The following ACTR1B variants were observed in gnomAD, a reference collection of about 807,000 sequenced individuals.
The protein encoded by ACTR1B is beta-centractin.
Under a neutral mutation model 49.4 loss-of-function variants are expected in ACTR1B, and 34 were observed. The observed-to-expected ratio is 0.69, with a 90% CI of 0.52 to 0.92. The LOEUF (loss-of-function observed/expected upper bound fraction) is 0.92. Among genes scored for constraint, ACTR1B ranks in the 40% least tolerant of loss-of-function variants. ACTR1B has a pLI of 0.00. For synonymous variants in ACTR1B, 207 were observed against 207.8 expected (o/e 1.00, Z 0.03); for missense variants, 471 against 522.4 (o/e 0.90, Z 0.96).
rs1342866211 is a variant in ACTR1B at position 97,657,149 on chromosome 2, C to T, written c.1028+3G>A. 1.9e-6 allele frequency: 3 copies of T among 1,613,486 alleles called. No individual in the cohort carries two copies. The highest frequency in any genetic ancestry group is 1.7e-6 in the Non-Finnish European group (2 of 1,179,690). On this transcript the variant is annotated splice_donor_region_variant and intron_variant, in intron 10 of 10. Transcript: ENST00000289228. ...CAGAGCCCTCCCTTGAGCCCCGCCTCACCCAATCCATGTGGAGTACAGCCG... is the reference window on the plus strand; with the variant it reads ...CAGAGCCCTCCCTTGAGCCCCGCCTTACCCAATCCATGTGGAGTACAGCCG...
rs189801973 is a variant in ACTR1B at position 97,659,011 on chromosome 2, G to A, written c.316-8C>T. The A allele has an allele frequency of 6.2e-4, 998 of 1,614,076 alleles. 9 individuals are homozygous for A. In the African/African-American group the frequency reaches 0.012, roughly 19 times the overall value. On this transcript the variant is annotated splice_region_variant and splice_polypyrimidine_tract_variant and intron_variant, in intron 4 of 10. Coordinates refer to ENST00000289228, the MANE Select transcript of ACTR1B (RefSeq NM_005735.4). The surrounding 1 kb of genome is among the most constrained non-coding windows in gnomAD (Gnocchi z 4.0). ...CGTGAGGAGCACAGGATGCTGCGAGGGACGGGACAGTTGTAGGCATCAGAG... is the reference window on the plus strand; with the variant it reads ...CGTGAGGAGCACAGGATGCTGCGAGAGACGGGACAGTTGTAGGCATCAGAG...
chr2:97,656,701 G>C lies in ACTR1B; in HGVS notation c.*157C>G, dbSNP rs781126425. 14 of 640,170 alleles carry C rather than the reference G, an allele frequency of 2.2e-5. No individual in the cohort carries two copies. Among genetic ancestry groups the C allele is most frequent in the Non-Finnish European group, 3.6e-5 (13 of 358,120 alleles). 39.7% of individuals were successfully genotyped at this position (640,170 alleles called of 1,614,324 possible). ...CTTGTGTGTGCATGTCCTGTGTAGA[G>C]GGGAAGGCTGCAGGGGGGCACTGCT... On this transcript the variant is annotated 3_prime_UTR_variant, in exon 11 of 11. Transcript: ENST00000289228.
intron 1 of ACTR1B, among the ~76,000 whole-genome samples, chr2:97,662,948 T>A (rs906640675): frequency 2.0e-5 from 3 of 151,928 alleles, no homozygotes; most frequent in Non-Finnish European, 4.4e-5. Context: ...TCTAAAACAG[T>A]CATTCAGGGA....
chr2:97,659,826 G>A lies in ACTR1B; in HGVS notation c.190-349C>T. On this transcript the variant is annotated intron_variant, in intron 3 of 10. Transcript: ENST00000289228. This position sits in a 1 kb window ranked among gnomAD's most constrained non-coding sequence, Gnocchi z 4.0. ...GCCAGCTCCCCTCTGGCCAGCGCCG[G>A]CACCTTGCAGCCGCCCAACACGGCC... 1.2e-5 allele frequency: 4 copies of A among 347,010 alleles called. 1 individual carries two copies. Among genetic ancestry groups the A allele is most frequent in the South Asian group, 6.6e-5 (2 of 30,454 alleles). The allele number at this position is 347,010 out of a possible 1,614,324, so 21.5% of individuals were successfully genotyped here. A position where few individuals can be genotyped will look rare whatever the true frequency, so the allele number is the denominator to read the frequency against.
In ACTR1B at chr2:97,656,541, G is replaced by A. The variant is rs1366192922; in HGVS notation, c.*317C>T. On this transcript the variant is annotated 3_prime_UTR_variant, in exon 11 of 11. Transcript: ENST00000289228. ...CAGGCATTCTGGCCCTGGAGCTCAG[G>A]GAGGCAGCCCTGAGAGTCGGAGCAG... 9.8e-6 allele frequency: 3 copies of A among 307,152 alleles called. No individual in the cohort carries two copies. Among genetic ancestry groups the A allele is most frequent in the Non-Finnish European group, 1.9e-5 (3 of 161,790 alleles). 19.0% of individuals were successfully genotyped at this position (307,152 alleles called of 1,614,324 possible). A position where few individuals can be genotyped will look rare whatever the true frequency, so the allele number is the denominator to read the frequency against.
At chr2:97,663,138 T>C (rs1274132809) in intron 1 of ACTR1B, among the ~76,000 whole-genome samples, 2 of 152,106 alleles carry the variant, frequency 1.3e-5, no homozygotes, top group Non-Finnish European at 2.9e-5. Flanking sequence ...CTAAGGCAGG[T>C]GAAAGCAAGC....
rs756280709 is a variant in ACTR1B, at chr2:97,658,196, C to T, written c.750+28G>A. On this transcript the variant is annotated intron_variant, in intron 7 of 10. Transcript: ENST00000289228. The surrounding 1 kb of genome is among the most constrained non-coding windows in gnomAD (Gnocchi z 5.9). ...TTCCCCCAGGCTGGGCATCGGCTGC[C>T]ACTCCAGTGCCAGGCCCGGCCACTT... 7.4e-6 allele frequency: 12 copies of T among 1,613,660 alleles called. No homozygotes were observed. Among genetic ancestry groups the T allele is most frequent in the East Asian group, 4.5e-5 (2 of 44,888 alleles).
In ACTR1B at chr2:97,656,170, T is replaced by C. The variant is rs1038298125; in HGVS notation, c.*688A>G. 6.6e-6 allele frequency: 1 copy of C among 152,272 alleles called. No individual in the cohort carries two copies. Among genetic ancestry groups the C allele is most frequent in the Non-Finnish European group, 1.5e-5 (1 of 68,092 alleles). The allele number at this position is 152,272 out of a possible 1,614,324, so 9.4% of individuals were successfully genotyped here. A position where few individuals can be genotyped will look rare whatever the true frequency, so the allele number is the denominator to read the frequency against. ...TAAGTGGCTTCCCCTCAATAAATGA[T>C]GAGCATCAACCCTTTCCCACCCAGG... On this transcript the variant is annotated 3_prime_UTR_variant, in exon 11 of 11. Transcript: ENST00000289228.
Position 97,659,479 on chromosome 2 carries a change from T to C in ACTR1B, c.190-2A>G. 6.2e-7 allele frequency: 1 copy of C among 1,613,228 alleles called. No homozygotes were observed. Among genetic ancestry groups the C allele is most frequent in the Non-Finnish European group, 8.5e-7 (1 of 1,179,886 alleles). ...GATGGTCAGCAGCCCCCGGTGCTCC[T>C]GGTGGGGTGGGAAGGGAGGTGTGGC... On this transcript the variant is annotated splice_acceptor_variant, in intron 3 of 10. Transcript: ENST00000289228. LOFTEE classifies it high-confidence loss of function. The surrounding 1 kb of genome is among the most constrained non-coding windows in gnomAD (Gnocchi z 4.0).
Position 97,658,766 on chromosome 2 carries a change from G to A in ACTR1B, c.440+113C>T. 2 of 1,587,210 alleles carry A rather than the reference G, an allele frequency of 1.3e-6. No individual in the cohort carries two copies. The highest frequency in any genetic ancestry group is 2.2e-5 in the South Asian group (2 of 90,036). ...AAGAGAGGACACGAGGGACTCCCTA[G>A]AGGAACAGTCATCAAGGGGCTGTTT... On this transcript the variant is annotated intron_variant, in intron 5 of 10. Coordinates refer to ENST00000289228, the MANE Select transcript of ACTR1B (RefSeq NM_005735.4). The surrounding 1 kb of genome is among the most constrained non-coding windows in gnomAD (Gnocchi z 5.9).
At chr2:97,663,807 G>A (rs1434464503) in intron 1 of ACTR1B, 36 bp downstream of exon 1, 3 of 1,341,752 alleles carry the variant, frequency 2.2e-6, no homozygotes, top group Non-Finnish European at 1.9e-6. Flanking sequence ...CCCCGGGGGC[G>A]GGGCGCCCGC....
chr2:97,663,762 C>T, intron 1 of ACTR1B, 81 bp downstream of exon 1: 2 of 918,206 alleles, frequency 2.2e-6, no homozygotes, highest in Non-Finnish European at 1.4e-6. Flanking sequence ...CGCGCCGAGG[C>T]GGGCGGGGGT....
At chr2:97,660,113 C>T (rs1432987749) in intron 3 of ACTR1B, among the ~76,000 whole-genome samples, 2 of 152,128 alleles carry the variant, frequency 1.3e-5, no homozygotes, top group Non-Finnish European at 2.9e-5. Context: ...CCCCACGCCC[C>T]GGCACCCGAC....
rs79616802 is a variant in ACTR1B at position 97,660,627 on chromosome 2, T to C, written c.133A>G (p.Met45Val). ...TCCAGGGCTCCAGCCATCACCCGCATGTGCTTCGGCCGCCCGACACTGTTA... is the reference window on the plus strand; with the variant it reads ...TCCAGGGCTCCAGCCATCACCCGCACGTGCTTCGGCCGCCCGACACTGTTA... ...FPNYVGRPKH[M>V]RVMAGALEGD... is the part of the protein sequence containing the mutation. Residue 45 changes from methionine (M) to valine (V), a missense_variant, in exon 3 of 11, where the codon ATG becomes GTG. Transcript: ENST00000289228. 0.082 allele frequency: 132,215 copies of C among 1,613,802 alleles called. 7,953 individuals carry two copies. Among genetic ancestry groups the C allele is most frequent in the African/African-American group, 0.3 (22,739 of 75,000 alleles).
In ACTR1B at chr2:97,657,430, G is replaced by T; in HGVS notation, c.987+18C>A. The T allele has an allele frequency of 6.2e-7, 1 of 1,614,002 alleles. No homozygotes were observed. ...TGCCAGCGCCCTAGTGCCCCAGGGG[G>T]AGTTTCTGTAACCTCACCTTGATTT... On this transcript the variant is annotated intron_variant, in intron 9 of 10. Coordinates refer to ENST00000289228, the MANE Select transcript of ACTR1B (RefSeq NM_005735.4).
At position 97,659,324 on chromosome 2, in the gene ACTR1B, G is replaced by C; in HGVS notation, c.315+28C>G. On this transcript the variant is annotated intron_variant, in intron 4 of 10. Coordinates refer to ENST00000289228, the MANE Select transcript of ACTR1B (RefSeq NM_005735.4). The surrounding 1 kb of genome is among the most constrained non-coding windows in gnomAD (Gnocchi z 4.0). The stretch of plus-strand genomic sequence containing the variant: ...AGAGGGGCATGGCCAGGAGAATGCA[G>C]AGCATGCAGGAGGGGCAGCCGCCAC... 14 of 1,613,454 alleles carry C rather than the reference G, an allele frequency of 8.7e-6. No individual in the cohort carries two copies. Among genetic ancestry groups the C allele is most frequent in the Non-Finnish European group, 1.1e-5 (13 of 1,179,930 alleles).
Position 97,659,375 on chromosome 2 carries a change from G to C in ACTR1B, c.292C>G (p.Gln98Glu). The change falls in exon 4 of 11, where the codon CAG (glutamine) becomes GAG (glutamate). Residue 98 changes from glutamine (Q) to glutamate (E), a missense_variant. Coordinates refer to ENST00000289228, the MANE Select transcript of ACTR1B (RefSeq NM_005735.4). The surrounding 1 kb of genome is among the most constrained non-coding windows in gnomAD (Gnocchi z 4.0). The part of the protein sequence containing the change: ...RIWQYVYSKD[Q>E]LQTFSEEHPV... ...ACCTCCTCCGAGAAGGTCTGCAGCT[G>C]ATCCTTGGAGTAGACGTACTGCCAG... 1 of 1,614,064 alleles carries C rather than the reference G, an allele frequency of 6.2e-7. No homozygotes were observed. Among genetic ancestry groups the C allele is most frequent in the Non-Finnish European group, 8.5e-7 (1 of 1,180,022 alleles).
rs1182034973 is a variant in ACTR1B, at chr2:97,660,739, G to A, written c.114-93C>T. On this transcript the variant is annotated intron_variant, in intron 2 of 10. Coordinates refer to ENST00000289228, the MANE Select transcript of ACTR1B (RefSeq NM_005735.4). ...AAATCCAACCATAGTCGCCCAGAGGGTACCTGGCCTCCAAACACCAGGATG... is the reference window on the plus strand; with the variant it reads ...AAATCCAACCATAGTCGCCCAGAGGATACCTGGCCTCCAAACACCAGGATG... 8 of 1,271,850 alleles carry A rather than the reference G, an allele frequency of 6.3e-6. No individual in the cohort carries two copies. In the East Asian group the frequency reaches 1.9e-4, roughly 30 times the overall value. 78.8% of individuals were successfully genotyped at this position (1,271,850 alleles called of 1,614,324 possible). A position where few individuals can be genotyped will look rare whatever the true frequency, so the allele number is the denominator to read the frequency against.
At chr2:97,657,249 CAGCCTT>C in intron 9 of ACTR1B, 57 bp from the exon 10 acceptor site, 2 of 1,598,628 alleles carry the variant, frequency 1.3e-6, no homozygotes, top group Non-Finnish European at 1.7e-6. Flanking sequence ...GCCATCCTCC[CAGCCTT>C]GGGGTCACCT....
Sources: allele counts gnomAD v4.1 joint callset (sites outside exome capture counted in the v4.1 genomes callset), GRCh38; gene constraint gnomAD v4.1.1; non-coding constraint Gnocchi (gnomAD v3.1); transcripts MANE v1.5; gene names NCBI Gene and HGNC (gene_info 2026-07-23, HGNC 2026-07-21).